POLN: variants seen among roughly 807,000 people sequenced by gnomAD.
POLN encodes the protein DNA polymerase nu.
POLN carries 108 observed loss-of-function variants against 113.5 expected under a neutral mutation model. The ratio of observed to expected loss-of-function variants is 0.95; its 90% confidence interval spans 0.81 to 1.12. The LOEUF (loss-of-function observed/expected upper bound fraction) is 1.12, where lower values mean the gene tolerates loss of function less well. POLN is among the 50% of genes most tolerant of loss of function. POLN has a pLI of 0.00. For missense variants in POLN, 1,097 were observed against 1,077.1 expected, an observed-to-expected ratio of 1.02 and a Z score of -0.26; for synonymous variants, 386 against 391.5, an observed-to-expected ratio of 0.99 and a Z score of 0.17.
intron 16 of POLN, among the ~76,000 whole-genome samples, chr4:2,149,656 T>C (rs1202341012): frequency 1.8e-4 from 27 of 152,154 alleles, no homozygotes; most frequent in Admixed American, 1.8e-3. Context: ...CACAGTGGCA[T>C]ACATCTGTGG....
intron 7 of POLN, among the ~76,000 whole-genome samples, chr4:2,191,340 G>T (rs549673765): frequency 6.6e-6 from 1 of 152,258 alleles, no homozygotes; most frequent in South Asian, 2.1e-4. Context: ...AAGGGTAAGG[G>T]GGCGGTGGGT....
intron 13 of POLN, among the ~76,000 whole-genome samples, chr4:2,164,328 T>C (rs1043272019): frequency 5.4e-5 from 8 of 147,744 alleles, no homozygotes; most frequent in African/African-American, 2.0e-4. Context: ...ATGGAGAAAC[T>C]CTGTCTCTAC....
At chr4:2,203,436 C>T (rs1459851697) in intron 5 of POLN, among the ~76,000 whole-genome samples, 2 of 151,908 alleles carry the variant, frequency 1.3e-5, no homozygotes, top group East Asian at 1.9e-4. Context: ...AAAAATTAGC[C>T]AGGTGTGGTG....
chr4:2,077,640 C>T (rs187107530), intron 23 of POLN, among the ~76,000 whole-genome samples: 12 of 152,362 alleles, frequency 7.9e-5, no homozygotes, highest in African/African-American at 2.9e-4. Flanking sequence ...TGGGCAGAAA[C>T]CTCAGAAAAG....
intron 16 of POLN, among the ~76,000 whole-genome samples, chr4:2,155,421 G>A (rs992911027): frequency 6.6e-6 from 1 of 152,164 alleles, no homozygotes; most frequent in African/African-American, 2.4e-5. Flanking sequence ...CACCCAAGAG[G>A]CCACACGATT....
Position 2,095,838 on chromosome 4 carries a change from G to A in POLN, c.2065+13C>T. ...GGTAACCCCGAGACCCCAGCTCCCG[G>A]CCCGCAGCCTACCTGCTCCATAGAC... On this transcript the variant is annotated intron_variant, in intron 20 of 25. Coordinates refer to ENST00000511885, the MANE Select transcript of POLN (RefSeq NM_181808.4). The A allele has an allele frequency of 6.2e-7, 1 of 1,613,420 alleles. No homozygotes were observed. Among genetic ancestry groups the A allele is most frequent in the Non-Finnish European group, 8.5e-7 (1 of 1,179,710 alleles).
intron 11 of POLN, 86 bp downstream of exon 11, chr4:2,173,869 G>T: frequency 8.1e-7 from 1 of 1,241,010 alleles, no homozygotes; most frequent in African/African-American, 1.5e-5. Flanking sequence ...AAGAAAAGGA[G>T]AATCTACTCT....
chr4:2,204,856 T>C (rs1733805823), intron 5 of POLN, among the ~76,000 whole-genome samples: 1 of 152,276 alleles, frequency 6.6e-6, no homozygotes, highest in South Asian at 2.1e-4. Context: ...ATCACCTCAA[T>C]AGATACAGAA....
At chr4:2,177,250 C>T (rs540442276) in intron 8 of POLN, 17 of 468,062 alleles carry the variant, frequency 3.6e-5, no homozygotes, top group African/African-American at 5.9e-5. Context: ...CACAGCTGCA[C>T]GAGGAGCCCC....
intron 19 of POLN, among the ~76,000 whole-genome samples, chr4:2,120,953 T>C (rs905799796): frequency 1.3e-5 from 2 of 152,246 alleles, no homozygotes; most frequent in Non-Finnish European, 2.9e-5. Flanking sequence ...AAACAATTCT[T>C]TTTGTCTGTT....
intron 19 of POLN, among the ~76,000 whole-genome samples, chr4:2,110,611 C>G (rs990840666): frequency 6.6e-6 from 1 of 152,198 alleles, no homozygotes; most frequent in Non-Finnish European, 1.5e-5. Context: ...ACTATAAACA[C>G]CTCTACGCAA....
chr4:2,080,850 G>T, intron 23 of POLN, 108 bp downstream of exon 23: 4 of 1,589,218 alleles, frequency 2.5e-6, no homozygotes, highest in Non-Finnish European at 3.4e-6. Context: ...AGGGGACGGG[G>T]GCCCGATAAG....
At chr4:2,096,185 C>T (rs1000878638) in intron 19 of POLN, among the ~76,000 whole-genome samples, 4 of 152,242 alleles carry the variant, frequency 2.6e-5, no homozygotes, top group African/African-American at 9.6e-5. Flanking sequence ...CAGGTGTCCA[C>T]AAATCAAAAC....
intron 20 of POLN, among the ~76,000 whole-genome samples, chr4:2,095,483 G>A (rs538042283): frequency 5.3e-5 from 8 of 152,206 alleles, no homozygotes; most frequent in Non-Finnish European, 1.0e-4. Flanking sequence ...GAGTCCAAGC[G>A]CTGCACACCT....
intron 3 of POLN, among the ~76,000 whole-genome samples, chr4:2,216,495 C>T (rs1423575010): frequency 6.6e-6 from 1 of 152,228 alleles, no homozygotes; most frequent in South Asian, 2.1e-4. Context: ...ACGAGGTGAG[C>T]TGTGCCTTCC....
intron 5 of POLN, among the ~76,000 whole-genome samples, chr4:2,201,294 A>AAC (rs1733706986): frequency 6.7e-6 from 1 of 148,776 alleles, no homozygotes; most frequent in Non-Finnish European, 1.5e-5. Flanking sequence ...AAAAAAAAAA[A>AAC]AAAAAAAAAC....
chr4:2,081,235 A>AG lies in POLN; in HGVS notation c.2309-200_2309-199insC, dbSNP rs1192587289. 117 of 1,516,934 alleles carry AG rather than the reference A, an allele frequency of 7.7e-5. No individual in the cohort carries two copies. In the African/African-American group the frequency reaches 1.1e-3, roughly 15 times the overall value. The allele number at this position is 1,516,934 out of a possible 1,614,324, so 94.0% of individuals were successfully genotyped here. ...TCCCGCCCTCTTGCTCCTGCAGGGC[A>AG]CCTGGGTTTTGGGTGCCTTACTCCT... On this transcript the variant is annotated intron_variant, in intron 22 of 25. Coordinates refer to ENST00000511885, the MANE Select transcript of POLN (RefSeq NM_181808.4).
intron 16 of POLN, among the ~76,000 whole-genome samples, chr4:2,132,809 A>G (rs113178669): frequency 6.6e-6 from 1 of 152,372 alleles, no homozygotes; most frequent in African/African-American, 2.4e-5. Context: ...TGTCATCTGC[A>G]GACCTGCTCT....
At chr4:2,212,176 C>T (rs775138473) in intron 4 of POLN, among the ~76,000 whole-genome samples, 1 of 152,206 alleles carries the variant, frequency 6.6e-6, no homozygotes, top group Non-Finnish European at 1.5e-5. Flanking sequence ...ATGTTGCCTG[C>T]ACCACTTTCA....
Sources: gnomAD v4.1 joint callset for allele counts (sites outside exome capture counted in the v4.1 genomes callset) on GRCh38, gnomAD v4.1.1 for gene constraint, MANE v1.5 for transcripts, NCBI Gene and HGNC (gene_info 2026-07-23, HGNC 2026-07-21) for gene names.